TUBGCP5: variants seen among roughly 807,000 people sequenced by gnomAD.
TUBGCP5 encodes tubulin gamma complex component 5, also known as gamma-tubulin complex component 5.
In TUBGCP5, 98 loss-of-function variants were observed where a neutral mutation model predicts 134.7. That is an observed-to-expected ratio of 0.73 (90% CI 0.62 to 0.86). TUBGCP5 has a LOEUF of 0.86. Among genes scored for constraint, TUBGCP5 ranks in the 40% least tolerant of loss-of-function variants. TUBGCP5 has a pLI of 0.00. For synonymous variants in TUBGCP5, 456 were observed against 431.4 expected (o/e 1.06, Z -0.71); for missense variants, 1,150 against 1,244.8 (o/e 0.92, Z 1.15).
chr15:23,001,321 T>C (rs2064358560), intron 21 of TUBGCP5, among the ~76,000 whole-genome samples: 1 of 148,342 alleles, frequency 6.7e-6, no homozygotes, highest in African/African-American at 2.5e-5. Flanking sequence ...GGGATTGCAG[T>C]TGTGAGCCAT....
At chr15:23,002,035 C>G (rs1219906800) in intron 21 of TUBGCP5, among the ~76,000 whole-genome samples, 2 of 147,872 alleles carry the variant, frequency 1.4e-5, no homozygotes, top group African/African-American at 2.5e-5. Context: ...AAGTTCCTCA[C>G]CCCCTGTATT....
rs1033486231 is a variant in TUBGCP5, at chr15:23,031,034, G to A, written c.487-14C>T. The A allele has an allele frequency of 6.2e-7, 1 of 1,604,362 alleles. No homozygotes were observed. Among genetic ancestry groups the A allele is most frequent in the South Asian group, 1.1e-5 (1 of 89,756 alleles). On this transcript the variant is annotated splice_polypyrimidine_tract_variant and intron_variant, in intron 5 of 22. Transcript: ENST00000615383. ...TTCAGACCAATTCTGATTTAAAAAA[G>A]AGATACACTTTAGCTTTACAGAGTA...
At position 23,027,181 on chromosome 15, in the gene TUBGCP5, T is replaced by C. The variant is rs1205425685; in HGVS notation, c.737+11A>G. On this transcript the variant is annotated intron_variant, in intron 7 of 22. Transcript: ENST00000615383. ...CTATCATCACATTAAATGAAAACTT[T>C]AGCTTCTTACCAGACAGCAGCTAAA... 8 of 1,594,434 alleles carry C rather than the reference T, an allele frequency of 5.0e-6. No individual in the cohort carries two copies. In the African/African-American group the frequency reaches 6.7e-5, roughly 13 times the overall value.
chr15:22,995,716 C>T (rs1449344198), downstream of TUBGCP5, among the ~76,000 whole-genome samples: 1 of 152,130 alleles, frequency 6.6e-6, no homozygotes, highest in Non-Finnish European at 1.5e-5. Context: ...TTGTCACATG[C>T]ATGTACCTGT....
At chr15:23,004,381 G>A in intron 19 of TUBGCP5, 154 bp from the exon 20 acceptor site, 1 of 904,240 alleles carries the variant, frequency 1.1e-6, no homozygotes, top group Non-Finnish European at 1.6e-6. Flanking sequence ...TTCTTCAAAG[G>A]CTGGCTGGAT....
intron 20 of TUBGCP5, among the ~76,000 whole-genome samples, chr15:23,003,475 T>C (rs1023783783): frequency 1.3e-5 from 2 of 152,164 alleles, no homozygotes; most frequent in African/African-American, 4.8e-5. Context: ...TACTGAATTC[T>C]ATCTATTCAC....
At chr15:22,995,208 C>A (rs1040595429), downstream of TUBGCP5, among the ~76,000 whole-genome samples, 3 of 151,890 alleles carry the variant, frequency 2.0e-5, no homozygotes, top group African/African-American at 4.8e-5. Context: ...CACACCATTG[C>A]ACTCCAGCCT....
At chr15:23,023,792 C>T (rs974923242) in intron 10 of TUBGCP5, 155 bp downstream of exon 10, 2 of 703,236 alleles carry the variant, frequency 2.8e-6, no homozygotes, top group Non-Finnish European at 4.3e-6. Context: ...ATATGAATGG[C>T]TTAAAAATAT....
intron 6 of TUBGCP5, among the ~76,000 whole-genome samples, chr15:23,030,599 A>G (rs1488570826): frequency 7.0e-6 from 1 of 143,776 alleles, no homozygotes; most frequent in Non-Finnish European, 1.5e-5. Context: ...TCCTTCTCCA[A>G]TTAAAAAAAA....
rs2140523449 is a variant in TUBGCP5 at position 23,019,238 on chromosome 15, T to G, written c.1468A>C (p.Arg490=). Residue 490 remains arginine, a synonymous_variant, in exon 12 of 23, where the codon AGG becomes CGG. Coordinates refer to ENST00000615383, the MANE Select transcript of TUBGCP5 (RefSeq NM_052903.6). The part of the protein sequence containing the change: ...IVHGHLWDGA[R]EFIIQRNKNV... ...GCTCACCTCTGGATGATGAACTCCC[T>G]GGCGCCATCCCACAGGTGCCCGTGC... 2.5e-6 allele frequency: 4 copies of G among 1,613,718 alleles called. No individual in the cohort carries two copies. Among genetic ancestry groups the G allele is most frequent in the Non-Finnish European group, 2.5e-6 (3 of 1,179,784 alleles).
rs148197877 is a variant in TUBGCP5, at chr15:23,007,283, G to A, written c.2328-931C>T. Among the ~76,000 whole-genome samples the A allele has an allele frequency of 6.1e-3, 932 of 152,218 alleles. 10 individuals carry two copies. Among genetic ancestry groups the A allele is most frequent in the African/African-American group, 0.021 (863 of 41,512 alleles). On this transcript the variant is annotated intron_variant, in intron 16 of 22. Transcript: ENST00000615383. ...TGGGCGCCTGTAGTCCCAGCAACTC[G>A]GGAGGCTGAGGCAGGAAAATGGCAT...
intron 14 of TUBGCP5, among the ~76,000 whole-genome samples, chr15:23,010,832 A>G (rs2064994801): frequency 1.3e-5 from 2 of 151,938 alleles, no homozygotes; most frequent in African/African-American, 4.8e-5. Flanking sequence ...TACAAAAATT[A>G]GCGGGGCATG....
chr15:22,989,514 A>C (rs2063785843), intron 23 of TUBGCP5, among the ~76,000 whole-genome samples: 1 of 151,988 alleles, frequency 6.6e-6, no homozygotes, highest in Non-Finnish European at 1.5e-5. Context: ...CTTAAATCAT[A>C]CTTGTCTTGG....
intron 19 of TUBGCP5, among the ~76,000 whole-genome samples, chr15:23,004,968 C>T (rs922855555): frequency 2.6e-5 from 4 of 152,190 alleles, no homozygotes; most frequent in African/African-American, 9.6e-5. Context: ...TCCCCTAGAA[C>T]TGGCTTTTAG....
At chr15:22,997,975 T>TA (rs2140381921), downstream of TUBGCP5, among the ~76,000 whole-genome samples, 1 of 152,132 alleles carries the variant, frequency 6.6e-6, no homozygotes, top group South Asian at 2.1e-4. Context: ...AATTTAATAG[T>TA]AAGCATAATT....
intron 12 of TUBGCP5, among the ~76,000 whole-genome samples, chr15:23,018,623 G>C (rs1382808506): frequency 1.3e-5 from 2 of 152,140 alleles, no homozygotes; most frequent in African/African-American, 2.4e-5. Flanking sequence ...GAGCTCAATG[G>C]ATAGCTATCA....
downstream of TUBGCP5, among the ~76,000 whole-genome samples, chr15:22,997,838 G>A (rs1275234976): frequency 2.0e-5 from 3 of 149,518 alleles, no homozygotes; most frequent in Non-Finnish European, 3.0e-5. Flanking sequence ...GGCTGGTCTC[G>A]AACTCCTGAC....
At chr15:23,034,585 C>A (rs1193787848) in intron 3 of TUBGCP5, among the ~76,000 whole-genome samples, 1 of 152,052 alleles carries the variant, frequency 6.6e-6, no homozygotes, top group African/African-American at 2.4e-5. Context: ...CAGAGCAGGC[C>A]GGGGTGGCTC....
exon 24 of TUBGCP5, chr15:22,983,249 A>G (rs1043698718): frequency 1.3e-5 from 2 of 152,212 alleles, no homozygotes; most frequent in Non-Finnish European, 2.9e-5. Flanking sequence ...AACACGTAAC[A>G]TTCACAAAAT....
Sources: allele counts gnomAD v4.1 joint callset (sites outside exome capture counted in the v4.1 genomes callset), GRCh38; gene constraint gnomAD v4.1.1; transcripts MANE v1.5; gene names NCBI Gene and HGNC (gene_info 2026-07-23, HGNC 2026-07-21).